PARP8: variants seen among roughly 807,000 people sequenced by gnomAD.
PARP8 encodes poly(ADP-ribose) polymerase family member 8.
In PARP8, 51 loss-of-function variants were observed where a neutral mutation model predicts 124.1. The observed-to-expected ratio is 0.41, with a 90% CI of 0.33 to 0.52. PARP8 has a LOEUF of 0.52. Among genes scored for constraint, PARP8 ranks in the 20% least tolerant of loss-of-function variants. The pLI is 0.21. For synonymous variants in PARP8, 391 were observed against 361.5 expected (o/e 1.08, Z -0.93); for missense variants, 860 against 1,018.9 (o/e 0.84, Z 2.12).
rs1745743658 is a variant in PARP8 at position 50,821,318 on chromosome 5, A to G, written c.1774A>G (p.Met592Val). ...PSVVDPNDPQ[M>V]LAFNPRKKNY... is the part of the protein sequence containing the mutation. ...TGTGGTAGATCCTAATGATCCTCAG[A>G]TGTTGGCCTTCAACCCCAGGGTAAG... The change falls in exon 16 of 26, where the codon ATG becomes GTG. Residue 592 changes from methionine to valine, a missense_variant. Physicochemically the swap from Met to Val is conservative, Grantham distance 21. This residue lies in a region of PARP8 where 343 missense variants were observed against 474.7 expected (regional missense o/e 0.72). Transcript: ENST00000281631. 6.2e-7 allele frequency: 1 copy of G among 1,614,104 alleles called. No homozygotes were observed.
intron 2 of PARP8, among the ~76,000 whole-genome samples, chr5:50,705,609 AC>A (rs879584006): frequency 1.6e-4 from 25 of 151,934 alleles, no homozygotes; most frequent in Admixed American, 1.6e-3. Flanking sequence ...ATATGGTGAA[AC>A]CCCATCTTTA....
chr5:50,788,497 T>C, intron 9 of PARP8, 26 bp from the exon 10 acceptor site: 4 of 1,605,256 alleles, frequency 2.5e-6, no homozygotes, highest in Non-Finnish European at 3.4e-6. Context: ...AGTCAATATG[T>C]GACTGTGATC....
chr5:50,836,339 G>A (rs1191364192), intron 25 of PARP8, among the ~76,000 whole-genome samples: 1 of 152,130 alleles, frequency 6.6e-6, no homozygotes, highest in Non-Finnish European at 1.5e-5. Flanking sequence ...TAATATACCT[G>A]TATCAGTCAG....
chr5:50,767,213 C>A (rs1164869572), intron 7 of PARP8, among the ~76,000 whole-genome samples: 1 of 151,848 alleles, frequency 6.6e-6, no homozygotes, highest in African/African-American at 2.4e-5. Flanking sequence ...AATCTTTTTT[C>A]GTTTTGAGCC....
chr5:50,690,774 A>G (rs1303235943), intron 2 of PARP8, among the ~76,000 whole-genome samples: 1 of 152,156 alleles, frequency 6.6e-6, no homozygotes, highest in East Asian at 1.9e-4. Context: ...ATCCCCAGCC[A>G]AACCCTCATA....
intron 25 of PARP8, among the ~76,000 whole-genome samples, chr5:50,839,308 T>G (rs1019473189): frequency 1.3e-5 from 2 of 151,998 alleles, no homozygotes; most frequent in African/African-American, 4.8e-5. Context: ...GTCCAATGTA[T>G]CATCTCCCTA....
intron 2 of PARP8, among the ~76,000 whole-genome samples, chr5:50,731,465 A>C (rs1756969345): frequency 6.6e-6 from 1 of 152,182 alleles, no homozygotes; most frequent in South Asian, 2.1e-4. Flanking sequence ...AATCTGGGAA[A>C]TATGGTAGAG....
At position 50,822,489 on chromosome 5, in the gene PARP8, CAT is replaced by C. The variant is rs1407421853; in HGVS notation, c.1860+92_1860+93del. 6 of 1,005,812 alleles carry C rather than the reference CAT, an allele frequency of 6.0e-6. No homozygotes were observed. In the East Asian group the frequency reaches 1.5e-4, roughly 24 times the overall value. The allele number at this position is 1,005,812 out of a possible 1,614,324, so 62.3% of individuals were successfully genotyped here. A position where few individuals can be genotyped will look rare whatever the true frequency, so the allele number is the denominator to read the frequency against. On this transcript the variant is annotated intron_variant, in intron 17 of 25. Transcript: ENST00000281631. ...GTGAAATGTAGACTTCTCTATAATA[CAT>C]ATCATTTAAAAATTTGTGCGGTATT...
intron 2 of PARP8, among the ~76,000 whole-genome samples, chr5:50,736,126 A>G (rs1194595961): frequency 6.6e-6 from 1 of 152,188 alleles, no homozygotes; most frequent in Admixed American, 6.5e-5. Context: ...ACAACAATCA[A>G]TGAACCAAGA....
At chr5:50,789,615 T>G (rs556561178) in intron 10 of PARP8, among the ~76,000 whole-genome samples, 5 of 152,300 alleles carry the variant, frequency 3.3e-5, no homozygotes, top group Non-Finnish European at 7.4e-5. Flanking sequence ...TGAACTGAAT[T>G]TTAAAATTTA....
At chr5:50,796,158 G>C (rs1327351550) in intron 12 of PARP8, among the ~76,000 whole-genome samples, 1 of 152,102 alleles carries the variant, frequency 6.6e-6, no homozygotes, top group Non-Finnish European at 1.5e-5. Context: ...CAAAATAGTT[G>C]ATGAAAAGTT....
intron 2 of PARP8, among the ~76,000 whole-genome samples, chr5:50,724,825 T>C (rs778821641): frequency 2.0e-5 from 3 of 151,732 alleles, no homozygotes; most frequent in Non-Finnish European, 4.4e-5. Context: ...TTGTACCTAC[T>C]GTGTAGTTTT....
At chr5:50,739,728 ATATATTTTT>A (rs1252663790) in intron 2 of PARP8, among the ~76,000 whole-genome samples, 1 of 59,348 alleles carries the variant, frequency 1.7e-5, no homozygotes, top group South Asian at 4.8e-4. Flanking sequence ...ATATATATAT[ATATATTTTT>A]TTTTTTTTTT....
Position 50,830,819 on chromosome 5 carries a change from CGTGTGT to C in PARP8, c.2233+882_2233+887del, listed in dbSNP as rs10611893. Among the ~76,000 whole-genome samples the C allele has an allele frequency of 8.4e-3, 1,237 of 147,932 alleles. 8 individuals are homozygous for C. The highest frequency in any genetic ancestry group is 0.039 in the East Asian group (198 of 5,040). The stretch of plus-strand genomic sequence containing the variant: ...AATTAGTTTTGCTTGTGTGCTCATG[CGTGTGT>C]GTGTGTGTGTGTGTGTGTGTGTGAT... On this transcript the variant is annotated intron_variant, in intron 22 of 25. Transcript: ENST00000281631.
intron 2 of PARP8, among the ~76,000 whole-genome samples, chr5:50,742,856 G>C (rs369317494): frequency 3.9e-5 from 6 of 152,280 alleles, no homozygotes; most frequent in African/African-American, 1.2e-4. Context: ...GTAGTCTGCA[G>C]GGGCAAGGTA....
chr5:50,812,300 T>C (rs1159518694), intron 14 of PARP8, among the ~76,000 whole-genome samples: 2 of 152,210 alleles, frequency 1.3e-5, no homozygotes, highest in Non-Finnish European at 1.5e-5. Context: ...TGGTGTGAGA[T>C]GGTATCTCAT....
rs778964382 is a variant in PARP8, at chr5:50,794,123, A to T, written c.738-84A>T. ...CTATGTGTTTGCATTTATTTGATAA[A>T]TGCATTTTCTACATAATAAATACAG... On this transcript the variant is annotated intron_variant, in intron 10 of 25. Coordinates refer to ENST00000281631, the MANE Select transcript of PARP8 (RefSeq NM_024615.4). The T allele has an allele frequency of 4.0e-5, 56 of 1,412,534 alleles. No homozygotes were observed. In the Admixed American group the frequency reaches 6.4e-4, roughly 16 times the overall value. 87.5% of individuals were successfully genotyped at this position (1,412,534 alleles called of 1,614,324 possible). A position where few individuals can be genotyped will look rare whatever the true frequency, so the allele number is the denominator to read the frequency against.
chr5:50,722,779 C>A lies in PARP8; in HGVS notation c.147-27372C>A, dbSNP rs1299611328. On this transcript the variant is annotated intron_variant, in intron 2 of 25. Coordinates refer to ENST00000281631, the MANE Select transcript of PARP8 (RefSeq NM_024615.4). ...TAAAGATTCTATGCATCTGGTATGA[C>A]CCCAGCTCTCTCCTAACCCTGTAAT... 5.3e-5 allele frequency among the ~76,000 whole-genome samples: 8 copies of A among 152,106 alleles called. No homozygotes were observed. The East Asian group carries it at 1.4e-3, about 26-fold the overall frequency.
At chr5:50,810,583 A>G (rs1345461751) in intron 14 of PARP8, among the ~76,000 whole-genome samples, 1 of 152,064 alleles carries the variant, frequency 6.6e-6, no homozygotes, top group Admixed American at 6.6e-5. Flanking sequence ...TTCCTTGAAT[A>G]AGATGTTCCT....
Sources: gnomAD v4.1 joint callset for allele counts (sites outside exome capture counted in the v4.1 genomes callset) on GRCh38, gnomAD v4.1.1 for gene constraint, gnomAD v4.1.1 regional missense constraint, MANE v1.5 for transcripts, NCBI Gene and HGNC (gene_info 2026-07-23, HGNC 2026-07-21) for gene names.